The following SCN2A variants were observed in gnomAD, a reference collection of about 807,000 sequenced individuals.
SCN2A encodes sodium voltage-gated channel alpha subunit 2.
Under a neutral mutation model 188.7 loss-of-function variants are expected in SCN2A, and 20 were observed. That is an observed-to-expected ratio of 0.11 (90% CI 0.07 to 0.15). SCN2A has a LOEUF of 0.15. Ranked by LOEUF, SCN2A falls within the 10% of genes least tolerant of loss-of-function variation. The pLI is 1.00. For missense variants in SCN2A, 1,278 were observed against 2,445.0 expected (o/e 0.52, Z 10.07); for synonymous variants, 804 against 833.1 (o/e 0.97, Z 0.60).
chr2:165,261,287 TG>T (rs1694585057), intron 1 of SCN2A, among the ~76,000 whole-genome samples: 1 of 152,236 alleles, frequency 6.6e-6, no homozygotes, highest in Admixed American at 6.5e-5. Context: ...GTAGAAGAAC[TG>T]GACTAGATTA....
In SCN2A at chr2:165,388,880, G is replaced by A. The variant is rs2105402518; in HGVS notation, c.5074G>A (p.Asp1692Asn). The A allele has an allele frequency of 7.4e-6, 12 of 1,614,058 alleles. No homozygotes were observed. Among genetic ancestry groups the A allele is most frequent in the Non-Finnish European group, 8.5e-6 (10 of 1,179,986 alleles). ...FAYVKREVGI[D>N]DMFNFETFGN... ...CTATGTTAAGAGGGAAGTTGGGATC[G>A]ATGACATGTTCAACTTTGAGACCTT... Residue 1692 changes from aspartate to asparagine, a missense_variant, in exon 27 of 27, where the codon GAT (aspartate) becomes AAT (asparagine). Physicochemically the swap from Asp to Asn is conservative, Grantham distance 23. Around this residue, in one of 17 missense-constraint regions of SCN2A, gnomAD observed 47 missense variants for 109.0 expected, o/e 0.43. Coordinates refer to ENST00000375437, the MANE Select transcript of SCN2A (RefSeq NM_001040142.2).
intron 14 of SCN2A, among the ~76,000 whole-genome samples, chr2:165,341,735 T>C (rs913577009): frequency 3.3e-5 from 5 of 152,234 alleles, no homozygotes; most frequent in Non-Finnish European, 7.3e-5. Flanking sequence ...GCTGAGGTTA[T>C]GTGCAGAAGA....
At chr2:165,282,556 C>A (rs1377934009) in intron 1 of SCN2A, among the ~76,000 whole-genome samples, 1 of 152,142 alleles carries the variant, frequency 6.6e-6, no homozygotes, top group East Asian at 1.9e-4. Context: ...CTTTTAATGG[C>A]CCCTTTTTCC....
intron 14 of SCN2A, among the ~76,000 whole-genome samples, chr2:165,336,638 A>G (rs1258942069): frequency 6.6e-6 from 1 of 152,010 alleles, no homozygotes; most frequent in Non-Finnish European, 1.5e-5. Flanking sequence ...TAAGGCGATG[A>G]AAATGTTCTA....
Position 165,315,710 on chromosome 2 carries a change from G to A in SCN2A, c.1623G>A (p.Leu541=), listed in dbSNP as rs753341735. Residue 541 remains leucine, a synonymous_variant, in exon 11 of 27, where the codon TTG becomes TTA. Coordinates refer to ENST00000375437, the MANE Select transcript of SCN2A (RefSeq NM_001040142.2). ...GAAGAAAAGGTTTCCGTTTTTCCTTGGAAGGAAGTAGGCTGACATATGAAA... is the reference window on the plus strand; with the variant it reads ...GAAGAAAAGGTTTCCGTTTTTCCTTAGAAGGAAGTAGGCTGACATATGAAA... The part of the protein sequence containing the change: ...SIRRKGFRFS[L]EGSRLTYEKR... The A allele has an allele frequency of 1.3e-5, 21 of 1,613,090 alleles. No individual in the cohort carries two copies. The highest frequency in any genetic ancestry group is 1.5e-5 in the Non-Finnish European group (18 of 1,179,776).
chr2:165,314,482 C>A (rs13412018), intron 10 of SCN2A, among the ~76,000 whole-genome samples: 1 of 152,154 alleles, frequency 6.6e-6, no homozygotes, highest in African/African-American at 2.4e-5. Flanking sequence ...CTTGCTTCTT[C>A]ATTGCAGTAT....
chr2:165,315,810 T>C, intron 11 of SCN2A, 52 bp downstream of exon 11: 1 of 1,574,258 alleles, frequency 6.4e-7, no homozygotes, highest in Non-Finnish European at 8.7e-7. Flanking sequence ...TTTAAAAAAA[T>C]ATGCCAGAAT....
chr2:165,367,081 A>C, intron 18 of SCN2A, 136 bp from the exon 19 acceptor site: 1 of 787,332 alleles, frequency 1.3e-6, no homozygotes, highest in Non-Finnish European at 2.1e-6. Context: ...TAGCTTTTGT[A>C]AGCGGAAGCT....
At chr2:165,350,694 G>C in intron 16 of SCN2A, among the ~76,000 whole-genome samples, 1 of 39,606 alleles carries the variant, frequency 2.5e-5, no homozygotes, top group Non-Finnish European at 4.9e-5. Context: ...GGATGGTCTC[G>C]ATCTCCTGAC....
In SCN2A at chr2:165,312,107, T is replaced by C. The variant is rs773982382; in HGVS notation, c.1034+19T>C. On this transcript the variant is annotated intron_variant, in intron 8 of 26. Transcript: ENST00000375437. Reference sequence around the variant, plus strand: ...ATGCAGGGTAAGTGATGCTTCCTACTGAGTTTCAGTCCACACTGCTCCATC... The same window carrying C: ...ATGCAGGGTAAGTGATGCTTCCTACCGAGTTTCAGTCCACACTGCTCCATC... The C allele has an allele frequency of 1.9e-6, 3 of 1,597,686 alleles. No homozygotes were observed. The highest frequency in any genetic ancestry group is 1.1e-5 in the South Asian group (1 of 90,692).
rs1244280603 is a variant in SCN2A, at chr2:165,265,483, A to C, written c.-52+25843A>C. ...TTACTCTGTTGATCTATATATATATATATATATATATATATATATATATAT... is the reference window on the plus strand; with the variant it reads ...TTACTCTGTTGATCTATATATATATCTATATATATATATATATATATATAT... On this transcript the variant is annotated intron_variant, in intron 1 of 26. Coordinates refer to ENST00000375437, the MANE Select transcript of SCN2A (RefSeq NM_001040142.2). 7.5e-3 allele frequency among the ~76,000 whole-genome samples: 794 copies of C among 105,248 alleles called. 29 individuals carry two copies. In the East Asian group the frequency reaches 0.1, roughly 14 times the overall value. The allele number at this position is 105,248 out of a possible 152,430, so 69.0% of individuals were successfully genotyped here. A position where few individuals can be genotyped will look rare whatever the true frequency, so the allele number is the denominator to read the frequency against.
At chr2:165,385,528 A>G (rs1265605494) in intron 25 of SCN2A, among the ~76,000 whole-genome samples, 9 of 152,192 alleles carry the variant, frequency 5.9e-5, no homozygotes, top group Non-Finnish European at 1.3e-4. Flanking sequence ...TTATTCTTAC[A>G]GAAGAGTTAC....
Position 165,389,652 on chromosome 2 carries a change from C to T in SCN2A, c.5846C>T (p.Thr1949Ile). Residue 1949 changes from threonine (T) to isoleucine (I), a missense_variant, in exon 27 of 27, where the codon ACT (threonine) becomes ATT (isoleucine). Physicochemically the swap from Thr to Ile is moderately conservative, Grantham distance 89. This residue lies in a region of SCN2A where 109 missense variants were observed against 137.9 expected (regional missense o/e 0.79). Transcript: ENST00000375437. This position sits in a 1 kb window ranked among gnomAD's most constrained non-coding sequence, Gnocchi z 4.2. The stretch of plus-strand genomic sequence containing the variant: ...GATGGAACACCCATCAAAGAAGATA[C>T]TCTCATTGATAAACTGAATGAGAAT... ...ECDGTPIKEDTLIDKLNENST... is the reference protein window; with the variant it reads ...ECDGTPIKEDILIDKLNENST... 1 of 1,613,354 alleles carries T rather than the reference C, an allele frequency of 6.2e-7. No homozygotes were observed. Among genetic ancestry groups the T allele is most frequent in the Non-Finnish European group, 8.5e-7 (1 of 1,179,378 alleles).
intron 1 of SCN2A, chr2:165,273,327 A>G (rs1574479856): frequency 6.6e-6 from 1 of 152,166 alleles, no homozygotes; most frequent in South Asian, 2.1e-4. Flanking sequence ...TGACAAAACC[A>G]TCTGTCTCTG....
chr2:165,344,566 C>T lies in SCN2A; in HGVS notation c.2574C>T (p.Phe858=), dbSNP rs748244795. Residue 858 remains phenylalanine (F), a synonymous_variant, in exon 16 of 27, where the codon TTC becomes TTT. Transcript: ENST00000375437. The stretch of plus-strand genomic sequence containing the variant: ...GCTTTTATTTCCAGCTCCGAGTTTT[C>T]AAGTTGGCAAAATCTTGGCCAACTC... ...VLRSFRLLRV[F]KLAKSWPTLN... 6.2e-7 allele frequency: 1 copy of T among 1,614,074 alleles called. No homozygotes were observed. The highest frequency in any genetic ancestry group is 2.2e-5 in the East Asian group (1 of 44,886).
intron 1 of SCN2A, among the ~76,000 whole-genome samples, chr2:165,292,769 T>C (rs1269524181): frequency 6.6e-6 from 1 of 152,212 alleles, no homozygotes; most frequent in African/African-American, 2.4e-5. Flanking sequence ...ATCCTGCCTG[T>C]ATGATCTTAG....
chr2:165,248,162 T>A (rs1693932086), intron 1 of SCN2A, among the ~76,000 whole-genome samples: 1 of 152,148 alleles, frequency 6.6e-6, no homozygotes, highest in Non-Finnish European at 1.5e-5. Context: ...ATTCTTCTAC[T>A]TCTCCTTACA....
At position 165,258,814 on chromosome 2, in the gene SCN2A, T is replaced by C. The variant is rs139652281; in HGVS notation, c.-52+19174T>C. Among the ~76,000 whole-genome samples, 384 of 152,320 alleles carry C rather than the reference T, an allele frequency of 2.5e-3. 2 individuals are homozygous for C. Among genetic ancestry groups the C allele is most frequent in the African/African-American group, 8.8e-3 (364 of 41,568 alleles). ...TGGATGGAGCTGGGGGCTATTATAG[T>C]AGGCAAACTAACTGAGGAACATAAA... On this transcript the variant is annotated intron_variant, in intron 1 of 26. Coordinates refer to ENST00000375437, the MANE Select transcript of SCN2A (RefSeq NM_001040142.2).
At chr2:165,382,741 G>A (rs574893660) in intron 25 of SCN2A, among the ~76,000 whole-genome samples, 39 of 152,222 alleles carry the variant, frequency 2.6e-4, no homozygotes, top group African/African-American at 9.4e-4. Flanking sequence ...AAGGCACTGG[G>A]AAAAATAGTG....
Sources: allele counts gnomAD v4.1 joint callset (sites outside exome capture counted in the v4.1 genomes callset), GRCh38; gene constraint gnomAD v4.1.1; regional missense constraint gnomAD v4.1.1; non-coding constraint Gnocchi (gnomAD v3.1); transcripts MANE v1.5; gene names NCBI Gene and HGNC (gene_info 2026-07-23, HGNC 2026-07-21).